KRT23: variants seen among roughly 807,000 people sequenced by gnomAD.
KRT23 encodes the protein keratin, type I cytoskeletal 23.
Under a neutral mutation model 47.6 loss-of-function variants are expected in KRT23, and 38 were observed. That is an observed-to-expected ratio of 0.80 (90% CI 0.62 to 1.05). KRT23 has a LOEUF of 1.05. Among genes scored for constraint, KRT23 ranks in the 50% least tolerant of loss-of-function variants. The pLI is 0.00. For synonymous variants in KRT23, 191 were observed against 199.0 expected (o/e 0.96, Z 0.34); for missense variants, 503 against 529.5 (o/e 0.95, Z 0.49).
At chr17:40,933,295 T>C (rs1439292527) in intron 2 of KRT23, among the ~76,000 whole-genome samples, 1 of 152,184 alleles carries the variant, frequency 6.6e-6, no homozygotes, top group Non-Finnish European at 1.5e-5. Flanking sequence ...CTTCCCTTGC[T>C]ATAAAGAAGG....
chr17:40,928,871 CA>C, intron 4 of KRT23, among the ~76,000 whole-genome samples: 2 of 151,768 alleles, frequency 1.3e-5, no homozygotes, highest in African/African-American at 4.8e-5. Context: ...ACTAAAAATA[CA>C]AAAAATTAAC....
chr17:40,928,994 TC>T (rs1448461742), intron 4 of KRT23, among the ~76,000 whole-genome samples: 6 of 117,782 alleles, frequency 5.1e-5, no homozygotes, highest in Non-Finnish European at 7.9e-5. Flanking sequence ...GCCACTGCAC[TC>T]CAGCCTGGGT....
chr17:40,936,268 ATC>A lies in KRT23; in HGVS notation c.334_335del (p.Asp112SerfsTer4). 6.2e-7 allele frequency: 1 copy of A among 1,614,176 alleles called. No homozygotes were observed. The highest frequency in any genetic ancestry group is 8.5e-7 in the Non-Finnish European group (1 of 1,180,036). On this transcript the variant is annotated frameshift_variant, in exon 2 of 9. Transcript: ENST00000209718. LOFTEE classifies it high-confidence loss of function. ...SRILKWHQQRDPGSKKDYSQY... is the reference protein window; with the variant it reads ...SRILKWHQQRXPGSKKDYSQY... ...GGGAATAATCTTTCTTACTGCCAGGATCTCTCTGCTGGTGCCATTTCAGGATG... is the reference window on the plus strand; with the variant it reads ...GGGAATAATCTTTCTTACTGCCAGGATCTCTGCTGGTGCCATTTCAGGATG...
intron 2 of KRT23, among the ~76,000 whole-genome samples, chr17:40,933,296 A>G (rs72824091): frequency 0.082 from 12,529 of 152,178 alleles, 546 homozygotes; most frequent in South Asian, 0.1. Flanking sequence ...TTCCCTTGCT[A>G]TAAAGAAGGA....
chr17:40,936,533 C>G lies in KRT23; in HGVS notation c.71G>C (p.Arg24Pro). 2 of 1,521,738 alleles carry G rather than the reference C, an allele frequency of 1.3e-6. No homozygotes were observed. The highest frequency in any genetic ancestry group is 1.8e-6 in the Non-Finnish European group (2 of 1,137,664). The allele number at this position is 1,521,738 out of a possible 1,614,324, so 94.3% of individuals were successfully genotyped here. Residue 24 changes from arginine to proline, a missense_variant, in exon 2 of 9, where the codon CGG becomes CCG. Physicochemically the swap from Arg to Pro is moderately radical, Grantham distance 103 (BLOSUM62 -2). Coordinates refer to ENST00000209718, the MANE Select transcript of KRT23 (RefSeq NM_015515.5). ...SFHGAGGGWG[R>P]PRSFPRAPTV... is the part of the protein sequence containing the mutation. The stretch of plus-strand genomic sequence containing the variant: ...GGGAGCCCTGGGGAAGCTCCTGGGC[C>G]GGCCCCAGCCACCTCCGGCGCCATG...
At chr17:40,926,198 T>C (rs1909214151) in intron 6 of KRT23, among the ~76,000 whole-genome samples, 1 of 152,190 alleles carries the variant, frequency 6.6e-6, no homozygotes, top group Non-Finnish European at 1.5e-5. Context: ...GGCTAGAATA[T>C]GGAGGATTGA....
At chr17:40,928,651 A>G (rs1452655519) in intron 4 of KRT23, 44 bp from the exon 5 acceptor site, 2 of 1,571,950 alleles carry the variant, frequency 1.3e-6, no homozygotes, top group East Asian at 4.5e-5. Context: ...TTTGACAATC[A>G]GAAGGCTGGA....
Position 40,936,851 on chromosome 17 carries a change from C to A in KRT23, c.-248G>T, listed in dbSNP as rs1910119043. On this transcript the variant is annotated 5_prime_UTR_variant, in exon 2 of 9. Transcript: ENST00000209718. ...ACATCAATATGACAGTTTGCTTCCT[C>A]CCTTCCCCTGGTAACCCGGAGGTGT... 5.1e-6 allele frequency: 2 copies of A among 395,348 alleles called. No individual in the cohort carries two copies. The highest frequency in any genetic ancestry group is 2.7e-4 in the South Asian group (2 of 7,442). 24.5% of individuals were successfully genotyped at this position (395,348 alleles called of 1,614,324 possible).
intron 1 of KRT23, 82 bp from the exon 2 acceptor site, chr17:40,937,035 AAAACC>A (rs1392580714): frequency 0.015 from 2,410 of 163,826 alleles, 64 homozygotes; most frequent in African/African-American, 0.055. Flanking sequence ...ACCAAAAACC[AAAACC>A]AAAACAAAAC....
chr17:40,932,621 G>A (rs1223078656), intron 2 of KRT23, among the ~76,000 whole-genome samples: 2 of 152,158 alleles, frequency 1.3e-5, no homozygotes, highest in Non-Finnish European at 2.9e-5. Context: ...GGACCTTAGA[G>A]GTCTTAGCTC....
chr17:40,936,551 G>A lies in KRT23; in HGVS notation c.53C>T (p.Ala18Val). The change falls in exon 2 of 9, where the codon GCC becomes GTC. Residue 18 changes from alanine (A) to valine (V), a missense_variant. Physicochemically the swap from Ala to Val is moderately conservative, Grantham distance 64. Transcript: ENST00000209718. ...CCTGGGCCGGCCCCAGCCACCTCCG[G>A]CGCCATGGAAGGAGGCCGAGGGGGT... ...SQTPSASFHG[A>V]GGGWGRPRSF... 1 of 1,521,180 alleles carries A rather than the reference G, an allele frequency of 6.6e-7. No individual in the cohort carries two copies. The highest frequency in any genetic ancestry group is 8.8e-7 in the Non-Finnish European group (1 of 1,137,632). The allele number at this position is 1,521,180 out of a possible 1,614,324, so 94.2% of individuals were successfully genotyped here.
chr17:40,936,981 C>G (rs1047444204), intron 1 of KRT23, 28 bp from the exon 2 acceptor site: 1 of 216,506 alleles, frequency 4.6e-6, no homozygotes, highest in Admixed American at 5.8e-5. Flanking sequence ...AAAGTCCACC[C>G]AAAAGAAAGC....
chr17:40,931,787 C>A (rs1245153073), intron 2 of KRT23, among the ~76,000 whole-genome samples: 1 of 152,108 alleles, frequency 6.6e-6, no homozygotes, highest in East Asian at 1.9e-4. Flanking sequence ...TCAAAATGCC[C>A]TCTAACTTTT....
At chr17:40,926,757 A>G (rs1373393576) in intron 6 of KRT23, among the ~76,000 whole-genome samples, 1 of 152,160 alleles carries the variant, frequency 6.6e-6, no homozygotes, top group Non-Finnish European at 1.5e-5. Context: ...TCCTTCAGCT[A>G]CAGCAAAGCT....
At chr17:40,929,049 A>AAG (rs1297236065) in intron 4 of KRT23, among the ~76,000 whole-genome samples, 8 of 150,568 alleles carry the variant, frequency 5.3e-5, no homozygotes, top group South Asian at 2.1e-4. Flanking sequence ...AAAAAAAAAA[A>AAG]AGAATATCAT....
chr17:40,936,536 C>G lies in KRT23; in HGVS notation c.68G>C (p.Gly23Ala). ...ASFHGAGGGW[G>A]RPRSFPRAPT... Reference sequence around the variant, plus strand: ...AGCCCTGGGGAAGCTCCTGGGCCGGCCCCAGCCACCTCCGGCGCCATGGAA... The same window carrying G: ...AGCCCTGGGGAAGCTCCTGGGCCGGGCCCAGCCACCTCCGGCGCCATGGAA... Residue 23 changes from glycine (G) to alanine (A), a missense_variant, in exon 2 of 9, where the codon GGC becomes GCC. Coordinates refer to ENST00000209718, the MANE Select transcript of KRT23 (RefSeq NM_015515.5). The G allele has an allele frequency of 7.9e-6, 12 of 1,522,128 alleles. No individual in the cohort carries two copies. Among genetic ancestry groups the G allele is most frequent in the Non-Finnish European group, 1.1e-5 (12 of 1,138,058 alleles). 94.3% of individuals were successfully genotyped at this position (1,522,128 alleles called of 1,614,324 possible).
At chr17:40,929,751 T>C (rs1909514227) in intron 4 of KRT23, 189 bp downstream of exon 4, 2 of 497,632 alleles carry the variant, frequency 4.0e-6, no homozygotes, top group Non-Finnish European at 7.0e-6. Flanking sequence ...GGTTGTTGTA[T>C]TTGACATGTG....
chr17:40,933,712 T>A (rs1354554731), intron 2 of KRT23, among the ~76,000 whole-genome samples: 7 of 152,238 alleles, frequency 4.6e-5, no homozygotes, highest in Non-Finnish European at 1.0e-4. Context: ...CTATTTCCCA[T>A]TATTCAGGCT....
intron 8 of KRT23, among the ~76,000 whole-genome samples, chr17:40,924,167 A>G (rs1909086763): frequency 6.6e-6 from 1 of 152,224 alleles, no homozygotes; most frequent in South Asian, 2.1e-4. Flanking sequence ...GAGAAATGAA[A>G]TCATGAAATC....
Sources: gnomAD v4.1 joint callset for allele counts (sites outside exome capture counted in the v4.1 genomes callset) on GRCh38, gnomAD v4.1.1 for gene constraint, MANE v1.5 for transcripts, NCBI Gene and HGNC (gene_info 2026-07-23, HGNC 2026-07-21) for gene names.